The following NEK7 variants were observed in gnomAD, a reference collection of about 807,000 sequenced individuals.
NEK7 encodes NIMA related kinase 7.
In NEK7, 18 loss-of-function variants were observed where a neutral mutation model predicts 44.6. The observed-to-expected ratio is 0.40, with a 90% CI of 0.28 to 0.60. The LOEUF is 0.60. Among genes scored for constraint, NEK7 ranks in the 20% least tolerant of loss-of-function variants. NEK7 has a pLI of 0.38. For synonymous variants in NEK7, 130 were observed against 121.1 expected, an observed-to-expected ratio of 1.07 and a Z score of -0.48; for missense variants, 256 against 366.5, an observed-to-expected ratio of 0.70 and a Z score of 2.46.
At chr1:198,209,986 C>T (rs998425070) in intron 1 of NEK7, among the ~76,000 whole-genome samples, 4 of 147,990 alleles carry the variant, frequency 2.7e-5, no homozygotes, top group Admixed American at 2.0e-4. Flanking sequence ...TTAGTAGAGA[C>T]GGGGTTTCAC....
intron 1 of NEK7, among the ~76,000 whole-genome samples, chr1:198,210,621 TATC>T (rs1281646829): frequency 1.4e-5 from 1 of 69,220 alleles, no homozygotes; most frequent in Non-Finnish European, 2.6e-5. Context: ...AAAATCTTGA[TATC>T]ATTTTTTCTA....
chr1:198,282,275 T>C (rs1654225560), intron 7 of NEK7, among the ~76,000 whole-genome samples: 1 of 152,110 alleles, frequency 6.6e-6, no homozygotes, highest in South Asian at 2.1e-4. Flanking sequence ...GTTACTTTCC[T>C]CAAAATCCTC....
At chr1:198,255,898 T>C (rs1653246331) in intron 3 of NEK7, among the ~76,000 whole-genome samples, 1 of 152,190 alleles carries the variant, frequency 6.6e-6, no homozygotes. Context: ...ATATTACACT[T>C]GTGCTGAACA....
chr1:198,310,255 T>A (rs1655137420), intron 9 of NEK7, among the ~76,000 whole-genome samples: 1 of 152,204 alleles, frequency 6.6e-6, no homozygotes. Flanking sequence ...TTGAGAAGTG[T>A]CTGTTCATGT....
At chr1:198,218,270 C>G (rs1665984142) in intron 1 of NEK7, among the ~76,000 whole-genome samples, 1 of 151,812 alleles carries the variant, frequency 6.6e-6, no homozygotes, top group Non-Finnish European at 1.5e-5. Context: ...AAGACAGACA[C>G]TTAAAACTAA....
intron 2 of NEK7, among the ~76,000 whole-genome samples, chr1:198,242,826 TAA>T (rs1558073916): frequency 5.4e-5 from 8 of 149,260 alleles, no homozygotes; most frequent in African/African-American, 1.7e-4. Flanking sequence ...TTTTTGTATT[TAA>T]TTTTTTTTTT....
chr1:198,238,830 G>T (rs908536778), intron 2 of NEK7, among the ~76,000 whole-genome samples: 1 of 152,136 alleles, frequency 6.6e-6, no homozygotes, highest in African/African-American at 2.4e-5. Flanking sequence ...CTCAATTACT[G>T]ACTCTTGATA....
At position 198,242,071 on chromosome 1, in the gene NEK7, A is replaced by ATT. The variant is rs1024808923; in HGVS notation, c.57+9436_57+9437dup. ...CAGCCAAAAATCTCAATCATCCTTG[A>ATT]TTTCTCTCTCTCCCTCACTCCTCAT... On this transcript the variant is annotated intron_variant, in intron 2 of 9. Transcript: ENST00000367385. 4.2e-4 allele frequency among the ~76,000 whole-genome samples: 63 copies of ATT among 151,786 alleles called. 1 individual carries two copies. Among genetic ancestry groups the ATT allele is most frequent in the African/African-American group, 1.5e-3 (60 of 41,336 alleles).
At chr1:198,317,882 T>A (rs963454517) in intron 9 of NEK7, among the ~76,000 whole-genome samples, 10 of 133,894 alleles carry the variant, frequency 7.5e-5, no homozygotes, top group Non-Finnish European at 1.4e-4. Flanking sequence ...TATTTATTTT[T>A]TTTTTTTTTT....
chr1:198,223,684 T>A (rs567913936), intron 1 of NEK7, among the ~76,000 whole-genome samples: 34 of 152,294 alleles, frequency 2.2e-4, no homozygotes, highest in African/African-American at 7.9e-4. Context: ...ACAACTGACA[T>A]TACTTGTTGT....
At chr1:198,223,501 TCTA>T (rs1666127182) in intron 1 of NEK7, among the ~76,000 whole-genome samples, 1 of 152,208 alleles carries the variant, frequency 6.6e-6, no homozygotes, top group Admixed American at 6.5e-5. Flanking sequence ...TGCTTAAAGT[TCTA>T]CTGCAGCAAA....
chr1:198,279,695 C>CT (rs1257488559), intron 7 of NEK7, among the ~76,000 whole-genome samples: 15 of 151,308 alleles, frequency 9.9e-5, no homozygotes, highest in African/African-American at 2.7e-4. Flanking sequence ...CATAGAAAGC[C>CT]TTTTTTTTAA....
At chr1:198,169,786 C>T (rs1664381681) in intron 1 of NEK7, among the ~76,000 whole-genome samples, 1 of 152,156 alleles carries the variant, frequency 6.6e-6, no homozygotes, top group Non-Finnish European at 1.5e-5. Flanking sequence ...TTCTTTAAGC[C>T]GTTAGTACTT....
intron 2 of NEK7, among the ~76,000 whole-genome samples, chr1:198,240,046 A>C (rs1312109558): frequency 1.3e-5 from 2 of 152,180 alleles, no homozygotes; most frequent in Non-Finnish European, 2.9e-5. Flanking sequence ...TTATGGCCAG[A>C]CATTCCTATA....
rs1342097384 is a variant in NEK7, at chr1:198,279,119, A to G, written c.589+58A>G. The G allele has an allele frequency of 3.9e-6, 4 of 1,037,056 alleles. No homozygotes were observed. The East Asian group carries it at 9.7e-5, about 25-fold the overall frequency. The allele number at this position is 1,037,056 out of a possible 1,614,324, so 64.2% of individuals were successfully genotyped here. A position where few individuals can be genotyped will look rare whatever the true frequency, so the allele number is the denominator to read the frequency against. ...TTTGTGTATGTGTGATTAAAAGATA[A>G]GAGGTATACCAATTACATGCCAGCT... is the stretch of plus-strand genomic sequence containing the variant. On this transcript the variant is annotated intron_variant, in intron 7 of 9. Transcript: ENST00000367385.
chr1:198,251,349 T>C (rs1184038941), intron 2 of NEK7, among the ~76,000 whole-genome samples: 1 of 147,104 alleles, frequency 6.8e-6, no homozygotes, highest in African/African-American at 2.6e-5. Context: ...TTTTTGGTTG[T>C]GTCTCTGCCC....
intron 5 of NEK7, among the ~76,000 whole-genome samples, chr1:198,271,130 A>C (rs553335791): frequency 2.2e-4 from 34 of 152,014 alleles, no homozygotes; most frequent in African/African-American, 8.0e-4. Context: ...CTGGATTCAG[A>C]TCTCTCTTGA....
At chr1:198,236,542 C>G (rs971683524) in intron 2 of NEK7, among the ~76,000 whole-genome samples, 2 of 152,194 alleles carry the variant, frequency 1.3e-5, no homozygotes, top group African/African-American at 4.8e-5. Flanking sequence ...TTTCTGTCCT[C>G]AAACCCATAA....
chr1:198,244,429 T>C (rs898681610), intron 2 of NEK7, among the ~76,000 whole-genome samples: 3 of 152,118 alleles, frequency 2.0e-5, no homozygotes, highest in African/African-American at 4.8e-5. Context: ...AATTAAGAAA[T>C]TAATTTAGTC....
Sources: gnomAD v4.1 joint callset for allele counts (sites outside exome capture counted in the v4.1 genomes callset) on GRCh38, gnomAD v4.1.1 for gene constraint, MANE v1.5 for transcripts, NCBI Gene and HGNC (gene_info 2026-07-23, HGNC 2026-07-21) for gene names.